ITGB4: variants seen among roughly 807,000 people sequenced by gnomAD.
ITGB4 encodes the protein integrin subunit beta 4.
Under a neutral mutation model 207.6 loss-of-function variants are expected in ITGB4, and 159 were observed. The observed-to-expected ratio is 0.77, with a 90% CI of 0.67 to 0.87. The LOEUF (loss-of-function observed/expected upper bound fraction) is 0.87. Among genes scored for constraint, ITGB4 ranks in the 40% least tolerant of loss-of-function variants. The pLI is 0.00. For synonymous variants in ITGB4, 1,020 were observed against 1,062.7 expected, an observed-to-expected ratio of 0.96 and a Z score of 0.78; for missense variants, 2,278 against 2,546.8, an observed-to-expected ratio of 0.89 and a Z score of 2.27.
rs755748059 is a variant in ITGB4, at chr17:75,756,820, G to A, written c.5014G>A (p.Val1672Ile). Residue 1672 changes from valine to isoleucine, a missense_variant, in exon 37 of 40, where the codon GTC becomes ATC. Val to Ile is a conservative substitution (Grantham distance 29). Coordinates refer to ENST00000200181, the MANE Select transcript of ITGB4 (RefSeq NM_000213.5). ...ERPRRPNGDI[V>I]GYLVTCEMAQ... is the part of the protein sequence containing the mutation. ...GCCACGGAGGCCCAATGGGGATATC[G>A]TCGGCTACCTGGTGACCTGTGAGAT... 2.4e-5 allele frequency: 39 copies of A among 1,612,334 alleles called. No individual in the cohort carries two copies. The highest frequency in any genetic ancestry group is 1.8e-4 in the Middle Eastern group (1 of 5,456).
chr17:75,729,207 CTG>C lies in ITGB4; in HGVS notation c.567-57_567-56del. Reference sequence around the variant, plus strand: ...TTCTAGTTGAAACGAGCCAGGGGCACTGGGGTCTGCGGCGTCTTCCCCCTGTG... The same window carrying C: ...TTCTAGTTGAAACGAGCCAGGGGCACGGGTCTGCGGCGTCTTCCCCCTGTG... On this transcript the variant is annotated intron_variant, in intron 6 of 39. Coordinates refer to ENST00000200181, the MANE Select transcript of ITGB4 (RefSeq NM_000213.5). The surrounding 1 kb of genome is among the most constrained non-coding windows in gnomAD (Gnocchi z 4.4). The C allele has an allele frequency of 2.6e-5, 40 of 1,549,452 alleles. No individual in the cohort carries two copies. Among genetic ancestry groups the C allele is most frequent in the Non-Finnish European group, 3.5e-5 (39 of 1,127,398 alleles).
At chr17:75,738,039 C>A (rs1482231981) in intron 18 of ITGB4, among the ~76,000 whole-genome samples, 1 of 152,212 alleles carries the variant, frequency 6.6e-6, no homozygotes, top group Non-Finnish European at 1.5e-5. Flanking sequence ...GATTCTGGTC[C>A]CAGCTCTGTG....
Position 75,733,677 on chromosome 17 carries a change from G to T in ITGB4, c.1642G>T (p.Gly548Trp), listed in dbSNP as rs1385099868. The T allele has an allele frequency of 1.2e-6, 2 of 1,614,040 alleles. No homozygotes were observed. Among genetic ancestry groups the T allele is most frequent in the Non-Finnish European group, 1.7e-6 (2 of 1,180,014 alleles). The part of the protein sequence containing the change: ...YDNFQCPRTS[G>W]FLCNDRGRCS... Reference sequence around the variant, plus strand: ...CAACTTCCAGTGTCCCCGCACTTCCGGGTTCCTCTGCAATGGTGAGCACAA... The same window carrying T: ...CAACTTCCAGTGTCCCCGCACTTCCTGGTTCCTCTGCAATGGTGAGCACAA... Residue 548 changes from glycine (G) to tryptophan (W), a missense_variant, in exon 13 of 40, where the codon GGG becomes TGG. Coordinates refer to ENST00000200181, the MANE Select transcript of ITGB4 (RefSeq NM_000213.5).
At chr17:75,728,503 G>T (rs1402041884) in intron 6 of ITGB4, 30 bp downstream of exon 6, 1 of 1,563,242 alleles carries the variant, frequency 6.4e-7, no homozygotes, top group Non-Finnish European at 8.8e-7. Context: ...CCGCAGGTGG[G>T]CAAGGGTCCA....
At chr17:75,728,331 A>G (rs749907894) in intron 5 of ITGB4, 46 bp from the exon 6 acceptor site, 2 of 1,552,096 alleles carry the variant, frequency 1.3e-6, no homozygotes, top group African/African-American at 1.4e-5. Flanking sequence ...TGTTTATGCC[A>G]GGCATCAGGG....
chr17:75,757,400 G>A lies in ITGB4; in HGVS notation c.5330-16G>A, dbSNP rs1287084320. The A allele has an allele frequency of 1.2e-6, 2 of 1,612,884 alleles. No homozygotes were observed. Among genetic ancestry groups the A allele is most frequent in the African/African-American group, 1.3e-5 (1 of 74,896 alleles). On this transcript the variant is annotated splice_polypyrimidine_tract_variant and intron_variant, in intron 39 of 39. Coordinates refer to ENST00000200181, the MANE Select transcript of ITGB4 (RefSeq NM_000213.5). ...CAGACCCCAAGCCAGGTCATCTAAT[G>A]CCTCCTCCTCCACAGATGGGCTGAC...
intron 26 of ITGB4, 110 bp downstream of exon 26, chr17:75,743,971 G>A: frequency 3.2e-6 from 4 of 1,269,486 alleles, no homozygotes; most frequent in Non-Finnish European, 4.3e-6. Flanking sequence ...CCTGGATACT[G>A]GCCGTGCCCC....
Position 75,755,857 on chromosome 17 carries a change from C to T in ITGB4, c.4708+7C>T, listed in dbSNP as rs371215608. 9.4e-6 allele frequency: 15 copies of T among 1,601,208 alleles called. No homozygotes were observed. The highest frequency in any genetic ancestry group is 1.2e-5 in the Non-Finnish European group (14 of 1,179,468). On this transcript the variant is annotated splice_region_variant and intron_variant, in intron 35 of 39. Transcript: ENST00000200181. ...TACCAGCTGCTGAACGGCGGTGAGG[C>T]ATGGTGGCTGCCAGGCTGCGGGGTG... is the stretch of plus-strand genomic sequence containing the variant.
intron 1 of ITGB4, among the ~76,000 whole-genome samples, chr17:75,723,352 A>G (rs1016883710): frequency 6.6e-6 from 1 of 152,200 alleles, no homozygotes; most frequent in Non-Finnish European, 1.5e-5. Context: ...GGCCAGGGAC[A>G]GTGGGAGGAA....
At chr17:75,735,618 G>T (rs1381671746) in intron 13 of ITGB4, among the ~76,000 whole-genome samples, 2 of 151,368 alleles carry the variant, frequency 1.3e-5, no homozygotes, top group Admixed American at 1.3e-4. Flanking sequence ...TCTCCATGTT[G>T]GCCAGGATGG....
Position 75,752,328 on chromosome 17 carries a change from G to A in ITGB4, c.3948G>A (p.Leu1316=). The part of the protein sequence containing the change: ...WGPEREAIIN[L]ATQPKRPMSI... Reference sequence around the variant, plus strand: ...CTGAGCGGGAGGCCATCATCAACCTGGCCACCCAGCCCAAGAGGCCCATGT... The same window carrying A: ...CTGAGCGGGAGGCCATCATCAACCTAGCCACCCAGCCCAAGAGGCCCATGT... Residue 1316 remains leucine (L), a synonymous_variant, in exon 31 of 40, where the codon CTG becomes CTA. Transcript: ENST00000200181. 6.2e-7 allele frequency: 1 copy of A among 1,612,812 alleles called. No individual in the cohort carries two copies. The highest frequency in any genetic ancestry group is 8.5e-7 in the Non-Finnish European group (1 of 1,179,816).
chr17:75,727,343 T>C lies in ITGB4; in HGVS notation c.163-61T>C. The stretch of plus-strand genomic sequence containing the variant: ...CGGGAATAGCTGGTGGAAATGAATC[T>C]AGGGTTGGGGCAGCCAGGGAATGGG... On this transcript the variant is annotated intron_variant, in intron 3 of 39. Coordinates refer to ENST00000200181, the MANE Select transcript of ITGB4 (RefSeq NM_000213.5). This position sits in a 1 kb window ranked among gnomAD's most constrained non-coding sequence, Gnocchi z 6.0. 1 of 1,612,418 alleles carries C rather than the reference T, an allele frequency of 6.2e-7. No individual in the cohort carries two copies. The highest frequency in any genetic ancestry group is 8.5e-7 in the Non-Finnish European group (1 of 1,178,758).
In ITGB4 at chr17:75,733,247, G is replaced by C. The variant is rs187590166; in HGVS notation, c.1455-243G>C. ...TAAAAATACAAAAAATTAGCCGGGCGTAGTGGCGGGTGCCTGTAGTCCCAG... is the reference window on the plus strand; with the variant it reads ...TAAAAATACAAAAAATTAGCCGGGCCTAGTGGCGGGTGCCTGTAGTCCCAG... On this transcript the variant is annotated intron_variant, in intron 12 of 39. Coordinates refer to ENST00000200181, the MANE Select transcript of ITGB4 (RefSeq NM_000213.5). Among the ~76,000 whole-genome samples the C allele has an allele frequency of 2.8e-4, 43 of 151,766 alleles. 1 individual carries two copies. The East Asian group carries it at 5.4e-3, about 19-fold the overall frequency.
Position 75,729,362 on chromosome 17 carries a change from G to A in ITGB4, c.664G>A (p.Gly222Arg). Residue 222 changes from glycine (G) to arginine (R), a missense_variant, in exon 7 of 40, where the codon GGA becomes AGA. By Grantham distance (125) the Gly-to-Arg change is moderately radical (BLOSUM62 -2). Coordinates refer to ENST00000200181, the MANE Select transcript of ITGB4 (RefSeq NM_000213.5). The surrounding 1 kb of genome is among the most constrained non-coding windows in gnomAD (Gnocchi z 4.4). Reference protein sequence around the residue: ...DVDEFRNKLQGERISGNLDAP... With the variant: ...DVDEFRNKLQRERISGNLDAP... ...GGATGAGTTCCGGAATAAACTGCAG[G>A]GAGAGCGGATCTCAGGCAACCTGGA... 1 of 1,614,132 alleles carries A rather than the reference G, an allele frequency of 6.2e-7. No individual in the cohort carries two copies. Among genetic ancestry groups the A allele is most frequent in the Non-Finnish European group, 8.5e-7 (1 of 1,180,008 alleles).
rs1273903905 is a variant in ITGB4, at chr17:75,737,344, C to T, written c.2013C>T (p.Cys671=). 1.9e-6 allele frequency: 3 copies of T among 1,592,458 alleles called. No individual in the cohort carries two copies. The highest frequency in any genetic ancestry group is 1.3e-5 in the African/African-American group (1 of 74,386). Residue 671 remains cysteine (C), a synonymous_variant, in exon 17 of 40, where the codon TGC becomes TGT. Transcript: ENST00000200181. ...CAGCCGAGGAGGTGGTGGTGCGCTG[C>T]TCCTTCCGGGACGAGGATGACGACT... ...LKRAEEVVVR[C]SFRDEDDDCT...
chr17:75,757,029 T>C lies in ITGB4; in HGVS notation c.5140T>C (p.Phe1714Leu), dbSNP rs1215518813. The change falls in exon 38 of 40, where the codon TTC (phenylalanine) becomes CTC (leucine). Residue 1714 changes from phenylalanine to leucine, a missense_variant. By Grantham distance (22) the Phe-to-Leu change is conservative. Transcript: ENST00000200181. ...PGLSENVPYK[F>L]KVQARTTEGF... ...CCTCAGCGAGAACGTGCCCTACAAG[T>C]TCAAGGTGCAGGCCAGGACCACTGA... The C allele has an allele frequency of 6.2e-7, 1 of 1,610,950 alleles. No individual in the cohort carries two copies. The highest frequency in any genetic ancestry group is 1.4e-5 in the African/African-American group (1 of 74,062).
At chr17:75,754,034 G>T in intron 33 of ITGB4, 60 bp downstream of exon 33, 1 of 796,326 alleles carries the variant, frequency 1.3e-6, no homozygotes, top group Admixed American at 4.0e-5. Flanking sequence ...CGCGCCTGAG[G>T]GCCTGGGGTG....
intron 13 of ITGB4, 57 bp downstream of exon 13, chr17:75,733,749 A>G: frequency 1.3e-6 from 2 of 1,562,004 alleles, no homozygotes; most frequent in Non-Finnish European, 1.8e-6. Context: ...GACAGCAAGC[A>G]TGACTTTCCC....
At chr17:75,754,950 ACACGTG>A (rs1297666941) in intron 34 of ITGB4, 135 bp downstream of exon 34, 12 of 1,376,852 alleles carry the variant, frequency 8.7e-6, no homozygotes, top group African/African-American at 7.2e-5. Flanking sequence ...ATGCACGCAC[ACACGTG>A]CACACGCATG....
Sources: allele counts gnomAD v4.1 joint callset (sites outside exome capture counted in the v4.1 genomes callset), GRCh38; gene constraint gnomAD v4.1.1; non-coding constraint Gnocchi (gnomAD v3.1); transcripts MANE v1.5; gene names NCBI Gene and HGNC (gene_info 2026-07-23, HGNC 2026-07-21).